ULK4: variants seen among roughly 807,000 people sequenced by gnomAD.
ULK4 encodes inactive serine/threonine-protein kinase ULK4.
In ULK4, 133 loss-of-function variants were observed where a neutral mutation model predicts 160.6. The observed-to-expected ratio is 0.83, with a 90% confidence interval of 0.72 to 0.96. ULK4 has a LOEUF of 0.96. Ranked by LOEUF, ULK4 falls within the 40% of genes least tolerant of loss-of-function variation. ULK4 has a pLI of 0.00. For synonymous variants in ULK4, 534 were observed against 539.8 expected (o/e 0.99, Z 0.15); for missense variants, 1,580 against 1,499.5 (o/e 1.05, Z -0.89).
intron 17 of ULK4, among the ~76,000 whole-genome samples, chr3:41,866,189 C>A (rs974865231): frequency 6.6e-6 from 1 of 152,228 alleles, no homozygotes; most frequent in Non-Finnish European, 1.5e-5. Flanking sequence ...GCCTCATCTA[C>A]CACCACATGC....
chr3:41,858,446 C>G (rs192105034), intron 17 of ULK4, among the ~76,000 whole-genome samples: 1,702 of 151,544 alleles, frequency 0.011, 15 homozygotes, highest in Non-Finnish European at 0.014. Flanking sequence ...GCCACCATGC[C>G]CAGCCTCCCA....
At chr3:41,447,605 C>G (rs1299781367) in intron 34 of ULK4, among the ~76,000 whole-genome samples, 3 of 152,138 alleles carry the variant, frequency 2.0e-5, no homozygotes, top group Non-Finnish European at 4.4e-5. Context: ...TGGGGACTTT[C>G]CTGTTAGAAA....
chr3:41,785,005 G>A (rs1341296277), intron 21 of ULK4, among the ~76,000 whole-genome samples: 1 of 152,112 alleles, frequency 6.6e-6, no homozygotes, highest in African/African-American at 2.4e-5. Flanking sequence ...AACGACTGCT[G>A]GATAAATTAC....
chr3:41,854,132 G>A (rs769017156), intron 17 of ULK4: 3 of 152,098 alleles, frequency 2.0e-5, no homozygotes, highest in African/African-American at 4.8e-5. Flanking sequence ...TAGGAGCCTC[G>A]GGATTCTTCA....
chr3:41,658,728 TACAC>T (rs748566253), intron 30 of ULK4, among the ~76,000 whole-genome samples: 27 of 84,480 alleles, frequency 3.2e-4, no homozygotes, highest in East Asian at 2.5e-3. Flanking sequence ...TGAAAAACAG[TACAC>T]ACACACACAC....
At chr3:41,315,004 T>A (rs1422975629) in intron 35 of ULK4, among the ~76,000 whole-genome samples, 1 of 152,188 alleles carries the variant, frequency 6.6e-6, no homozygotes, top group African/African-American at 2.4e-5. Context: ...ACCAAGACAT[T>A]TAAAATTACT....
At chr3:41,643,982 G>C (rs1288262729) in intron 30 of ULK4, among the ~76,000 whole-genome samples, 2 of 151,994 alleles carry the variant, frequency 1.3e-5, no homozygotes, top group Non-Finnish European at 2.9e-5. Flanking sequence ...CTCATGATTT[G>C]GCTCTCTGTT....
At chr3:41,272,751 C>T (rs2079160311) in intron 35 of ULK4, among the ~76,000 whole-genome samples, 2 of 152,248 alleles carry the variant, frequency 1.3e-5, no homozygotes, top group Admixed American at 1.3e-4. Context: ...CATGTTAGGA[C>T]ACTTAAAGTT....
intron 21 of ULK4, among the ~76,000 whole-genome samples, chr3:41,760,647 A>G (rs1434107194): frequency 6.6e-6 from 1 of 152,190 alleles, no homozygotes; most frequent in East Asian, 1.9e-4. Flanking sequence ...AAAATATTGT[A>G]TGAAATTACC....
At chr3:41,269,805 A>G (rs1559497240) in intron 35 of ULK4, among the ~76,000 whole-genome samples, 1 of 152,168 alleles carries the variant, frequency 6.6e-6, no homozygotes, top group Non-Finnish European at 1.5e-5. Context: ...TTACCTAATA[A>G]AGTGTACAAT....
At chr3:41,926,407 C>T (rs886407569) in intron 5 of ULK4, among the ~76,000 whole-genome samples, 3 of 152,122 alleles carry the variant, frequency 2.0e-5, no homozygotes, top group African/African-American at 4.8e-5. Context: ...AGCACAAAAA[C>T]GCTGAAAATT....
At chr3:41,950,961 G>A (rs550769877) in intron 2 of ULK4, among the ~76,000 whole-genome samples, 45 of 151,484 alleles carry the variant, frequency 3.0e-4, no homozygotes, top group Admixed American at 2.0e-3. Flanking sequence ...TGGCTAACAC[G>A]GTGAAACCTC....
intron 34 of ULK4, among the ~76,000 whole-genome samples, chr3:41,402,617 G>C (rs1012334069): frequency 6.6e-6 from 1 of 152,082 alleles, no homozygotes; most frequent in Non-Finnish European, 1.5e-5. Context: ...CCATATGATC[G>C]TGTAATATTT....
chr3:41,444,705 C>T (rs1025435071), intron 34 of ULK4, among the ~76,000 whole-genome samples: 6 of 152,046 alleles, frequency 3.9e-5, no homozygotes, highest in African/African-American at 9.7e-5. Flanking sequence ...AATGGCCAGG[C>T]GCGGTGGCTC....
chr3:41,819,140 G>C (rs978936819), intron 19 of ULK4, among the ~76,000 whole-genome samples: 2 of 152,130 alleles, frequency 1.3e-5, no homozygotes, highest in Non-Finnish European at 2.9e-5. Flanking sequence ...GGAGTGCGGA[G>C]GGTAATTAAG....
chr3:41,514,666 A>G (rs756031480), intron 32 of ULK4, among the ~76,000 whole-genome samples: 14 of 152,322 alleles, frequency 9.2e-5, no homozygotes, highest in Non-Finnish European at 1.8e-4. Flanking sequence ...CCTGAGTGAA[A>G]CAAGCCAGGC....
intron 30 of ULK4, among the ~76,000 whole-genome samples, chr3:41,616,073 T>C (rs1404164629): frequency 6.6e-6 from 1 of 152,202 alleles, no homozygotes; most frequent in Non-Finnish European, 1.5e-5. Flanking sequence ...AATCATAAAA[T>C]GACACACTGT....
intron 17 of ULK4, among the ~76,000 whole-genome samples, chr3:41,840,918 T>G (rs1310654360): frequency 1.3e-5 from 2 of 148,512 alleles, no homozygotes; most frequent in Non-Finnish European, 1.5e-5. Context: ...CCACCCTGTC[T>G]GGGATGTGAG....
At chr3:41,755,467 T>TA (rs201214686) in intron 21 of ULK4, among the ~76,000 whole-genome samples, 1,728 of 151,898 alleles carry the variant, frequency 0.011, 29 homozygotes, top group African/African-American at 0.038. Context: ...TTATCTCAGG[T>TA]AAAAAAAACA....
Sources: allele counts gnomAD v4.1 joint callset (sites outside exome capture counted in the v4.1 genomes callset), GRCh38; gene constraint gnomAD v4.1.1; transcripts MANE v1.5; gene names NCBI Gene and HGNC (gene_info 2026-07-23, HGNC 2026-07-21).